ANKRD36C: variants seen among roughly 807,000 people sequenced by gnomAD.
ANKRD36C encodes ankyrin repeat domain 36C.
A neutral mutation model predicts 276.4 loss-of-function variants in ANKRD36C; 61 were observed. The observed-to-expected ratio is 0.22, with a 90% CI of 0.18 to 0.27. The LOEUF is 0.27. Ranked by LOEUF, ANKRD36C falls within the 10% of genes least tolerant of loss-of-function variation. ANKRD36C has a pLI of 1.00. For synonymous variants in ANKRD36C, 483 were observed against 680.1 expected (o/e 0.71, Z 4.51); for missense variants, 1,447 against 2,032.3 (o/e 0.71, Z 5.54).
intron 50 of ANKRD36C, 27 bp downstream of exon 70, chr2:95,887,898 G>T: frequency 6.4e-7 from 1 of 1,561,744 alleles, no homozygotes; most frequent in South Asian, 1.2e-5. Context: ...GACTGAACAT[G>T]ACATTAAATG....
intron 60 of ANKRD36C, among the ~76,000 whole-genome samples, chr2:95,865,140 A>G (rs1675660022): frequency 6.6e-6 from 1 of 152,042 alleles, no homozygotes. Context: ...AAATACAGAT[A>G]AATCTGATAA....
chr2:95,976,943 T>A (rs1657790711), intron 6 of ANKRD36C, among the ~76,000 whole-genome samples: 1 of 152,010 alleles, frequency 6.6e-6, no homozygotes, highest in Admixed American at 6.6e-5. Flanking sequence ...ACTCTTTTTT[T>A]CCTGGGGGTG....
At chr2:95,884,350 G>T (rs770587035) in exon 53 of ANKRD36C, 8 of 1,610,732 alleles carry the variant, frequency 5.0e-6, no homozygotes, top group Middle Eastern at 2.2e-4. Context: ...CTTCAAGGCT[G>T]GTTGTCTCTG....
In ANKRD36C at chr2:95,915,894, T is replaced by G. The variant is rs1476044365; in HGVS notation, c.2449+86A>C. 11 of 1,475,438 alleles carry G rather than the reference T, an allele frequency of 7.5e-6. No individual in the cohort carries two copies. The East Asian group carries it at 2.5e-4, about 33-fold the overall frequency. The allele number at this position is 1,475,438 out of a possible 1,614,324, so 91.4% of individuals were successfully genotyped here. On this transcript the variant is annotated intron_variant, in intron 38 of 66. Coordinates refer to ENST00000456556, the Ensembl canonical transcript of ANKRD36C. The stretch of plus-strand genomic sequence containing the variant: ...GGCCTGTTGAATCAGAATGTGCAGC[T>G]TCGACCAGCCCCCCACTGATTTATT...
intron 42 of ANKRD36C, among the ~76,000 whole-genome samples, chr2:95,902,046 G>C (rs991014215): frequency 6.8e-6 from 1 of 146,538 alleles, no homozygotes; most frequent in Non-Finnish European, 1.5e-5. Flanking sequence ...CATCATTCTT[G>C]TGTCTAAAAT....
chr2:95,938,469 G>T (rs1677779068), intron 22 of ANKRD36C, among the ~76,000 whole-genome samples: 3 of 152,114 alleles, frequency 2.0e-5, no homozygotes, highest in Non-Finnish European at 4.4e-5. Context: ...TGTAATGTCA[G>T]CAGGTATAGC....
At chr2:95,896,045 GCA>G (rs1490921181) in intron 44 of ANKRD36C, among the ~76,000 whole-genome samples, 1 of 147,284 alleles carries the variant, frequency 6.8e-6, no homozygotes, top group East Asian at 2.1e-4. Flanking sequence ...AACTGAGAAG[GCA>G]CACAATTACG....
intron 59 of ANKRD36C, among the ~76,000 whole-genome samples, chr2:95,874,507 A>T (rs1558623018): frequency 6.6e-6 from 1 of 152,256 alleles, no homozygotes; most frequent in African/African-American, 2.4e-5. Flanking sequence ...TCCCTTCCTT[A>T]CACCTTATAC....
chr2:95,990,748 A>G lies in ANKRD36C; in HGVS notation c.197+764T>C, dbSNP rs1679121969. ...GTCCCTCAGTGAAAACCAAATTGAC[A>G]TAGGTGTCCATTGATATCAAATAAA... is the stretch of plus-strand genomic sequence containing the variant. On this transcript the variant is annotated intron_variant, in intron 1 of 66. Coordinates refer to ENST00000456556, the Ensembl canonical transcript of ANKRD36C. 2.0e-5 allele frequency among the ~76,000 whole-genome samples: 3 copies of G among 152,152 alleles called. No homozygotes were observed. The South Asian group carries it at 6.2e-4, about 32-fold the overall frequency.
chr2:95,896,028 G>A (rs1305286940), intron 44 of ANKRD36C, among the ~76,000 whole-genome samples: 1 of 146,748 alleles, frequency 6.8e-6, no homozygotes, highest in Non-Finnish European at 1.5e-5. Context: ...TCTTTAACTT[G>A]CCCAATAACT....
At chr2:95,892,225 CAT>C (rs1351747022) in intron 44 of ANKRD36C, among the ~76,000 whole-genome samples, 2 of 151,512 alleles carry the variant, frequency 1.3e-5, no homozygotes, top group African/African-American at 4.8e-5. Context: ...CATGATCCCA[CAT>C]GTCTTTCATG....
intron 59 of ANKRD36C, among the ~76,000 whole-genome samples, chr2:95,871,640 T>C (rs1387306441): frequency 6.6e-6 from 1 of 151,790 alleles, no homozygotes; most frequent in Non-Finnish European, 1.5e-5. Context: ...AACATCATAA[T>C]GCCAGGATCA....
exon 50 of ANKRD36C, chr2:95,887,967 T>C: frequency 6.3e-7 from 1 of 1,599,946 alleles, no homozygotes; most frequent in Admixed American, 1.7e-5. Flanking sequence ...GTGGGTATAT[T>C]CGAAACAGAA....
intron 26 of ANKRD36C, 93 bp from the exon 27 acceptor site, chr2:95,927,502 C>T (rs34650567): frequency 0.013 from 20,615 of 1,572,582 alleles, 179 homozygotes; most frequent in Non-Finnish European, 0.014. Context: ...CTATATCTTC[C>T]TGCCTGTACT....
intron 54 of ANKRD36C, among the ~76,000 whole-genome samples, chr2:95,883,465 C>T (rs1676132324): frequency 6.6e-6 from 1 of 152,006 alleles, no homozygotes; most frequent in African/African-American, 2.4e-5. Context: ...ATGTTTATTT[C>T]ACTTGAATAA....
chr2:95,853,874 T>G lies in ANKRD36C; in HGVS notation c.4996-13A>C. The G allele has an allele frequency of 6.2e-7, 1 of 1,601,302 alleles. No homozygotes were observed. The highest frequency in any genetic ancestry group is 2.2e-5 in the East Asian group (1 of 44,688). On this transcript the variant is annotated splice_polypyrimidine_tract_variant and intron_variant, in intron 63 of 66. Coordinates refer to ENST00000456556, the Ensembl canonical transcript of ANKRD36C. ...GTCTCACAGCTACCTGATAAGATGTTATTTTTGTTACTGATTTTACAAATC... is the reference window on the plus strand; with the variant it reads ...GTCTCACAGCTACCTGATAAGATGTGATTTTTGTTACTGATTTTACAAATC...
chr2:95,849,599 T>A (rs1228830927), downstream of ANKRD36C, among the ~76,000 whole-genome samples: 1 of 152,176 alleles, frequency 6.6e-6, no homozygotes, highest in Non-Finnish European at 1.5e-5. Context: ...TAATACATAA[T>A]GAAATAATTA....
At chr2:95,888,032 A>G in intron 49 of ANKRD36C, 35 bp from the exon 70 acceptor site, 2 of 1,605,666 alleles carry the variant, frequency 1.2e-6, no homozygotes, top group Non-Finnish European at 1.7e-6. Context: ...ATGAATACAT[A>G]AACTATGTTT....
intron 42 of ANKRD36C, among the ~76,000 whole-genome samples, 195 bp downstream of exon 46, chr2:95,910,178 G>A (rs1676868548): frequency 6.6e-6 from 1 of 151,186 alleles, no homozygotes; most frequent in Non-Finnish European, 1.5e-5. Context: ...GTGGGGAACT[G>A]TATAATCTTA....
Sources: allele counts gnomAD v4.1 joint callset (sites outside exome capture counted in the v4.1 genomes callset), GRCh38; gene constraint gnomAD v4.1.1; transcripts MANE v1.5; gene names NCBI Gene and HGNC (gene_info 2026-07-23, HGNC 2026-07-21).